The following ME3 variants were observed in gnomAD, a reference collection of about 807,000 sequenced individuals.
ME3 encodes the protein NADP-dependent malic enzyme, mitochondrial.
A neutral mutation model predicts 68.9 loss-of-function variants in ME3; 48 were observed. The ratio of observed to expected loss-of-function variants is 0.70; its 90% CI spans 0.55 to 0.89. The LOEUF is 0.89. ME3 is among the 40% of genes least tolerant of loss of function. ME3 has a pLI of 0.00. For missense variants in ME3, 675 were observed against 797.4 expected (o/e 0.85, Z 1.85); for synonymous variants, 320 against 318.8 (o/e 1.00, Z -0.04).
At chr11:86,518,874 TAGAAAC>T (rs1227252380) in intron 4 of ME3, among the ~76,000 whole-genome samples, 1 of 152,112 alleles carries the variant, frequency 6.6e-6, no homozygotes, top group Non-Finnish European at 1.5e-5. Flanking sequence ...CAAGGGATGA[TAGAAAC>T]AGAGATTGGA....
Position 86,475,866 on chromosome 11 carries a change from T to TAG in ME3, c.810-10667_810-10666insCT, listed in dbSNP as rs1487875000. Among the ~76,000 whole-genome samples the TAG allele has an allele frequency of 3.1e-3, 352 of 111,934 alleles. 1 individual carries two copies. Among genetic ancestry groups the TAG allele is most frequent in the African/African-American group, 6.2e-3 (168 of 27,190 alleles). The allele number at this position is 111,934 out of a possible 152,430, so 73.4% of individuals were successfully genotyped here. A position where few individuals can be genotyped will look rare whatever the true frequency, so the allele number is the denominator to read the frequency against. On this transcript the variant is annotated intron_variant, in intron 7 of 14. Transcript: ENST00000543262. ...CTAATATTCAGTATATATATATATA[T>TAG]ATATATATAGAGAGAGAGAGAGAGA... is the stretch of plus-strand genomic sequence containing the variant.
At chr11:86,514,084 G>A (rs1184123369) in intron 4 of ME3, among the ~76,000 whole-genome samples, 1 of 152,132 alleles carries the variant, frequency 6.6e-6, no homozygotes, top group Non-Finnish European at 1.5e-5. Flanking sequence ...GATAGTGAGT[G>A]AGTTCTCATG....
At chr11:86,476,556 C>G (rs1199033063) in intron 7 of ME3, among the ~76,000 whole-genome samples, 2 of 152,178 alleles carry the variant, frequency 1.3e-5, no homozygotes, top group African/African-American at 4.8e-5. Context: ...GAGGGGGTGA[C>G]TGACTCTGAG....
intron 7 of ME3, among the ~76,000 whole-genome samples, chr11:86,484,520 G>GC (rs1301791249): frequency 6.6e-6 from 1 of 151,834 alleles, no homozygotes; most frequent in Non-Finnish European, 1.5e-5. Context: ...CAAGGATCCC[G>GC]CCCCCCGCTC....
chr11:86,463,297 G>C (rs1482897608), intron 8 of ME3, among the ~76,000 whole-genome samples: 1 of 152,202 alleles, frequency 6.6e-6, no homozygotes, highest in Non-Finnish European at 1.5e-5. Flanking sequence ...CAGCCCGGTG[G>C]GCTCAGGGGA....
intron 6 of ME3, among the ~76,000 whole-genome samples, chr11:86,491,051 G>A (rs1262765444): frequency 6.6e-6 from 1 of 152,078 alleles, no homozygotes; most frequent in Admixed American, 6.5e-5. Flanking sequence ...AATGTTCTAT[G>A]TCTCAGATAC....
chr11:86,643,550 A>T (rs1202244711), intron 2 of ME3, among the ~76,000 whole-genome samples: 1 of 152,160 alleles, frequency 6.6e-6, no homozygotes, highest in East Asian at 1.9e-4. Flanking sequence ...TTTTCACTTG[A>T]TGCAACACAT....
chr11:86,547,507 G>C (rs1956437623), intron 4 of ME3, among the ~76,000 whole-genome samples: 1 of 152,040 alleles, frequency 6.6e-6, no homozygotes, highest in African/African-American at 2.4e-5. Flanking sequence ...GGGAGTGATA[G>C]CATTAGGAGA....
At chr11:86,529,729 G>C (rs564719490) in intron 4 of ME3, among the ~76,000 whole-genome samples, 14 of 152,206 alleles carry the variant, frequency 9.2e-5, no homozygotes, top group Non-Finnish European at 2.1e-4. Context: ...CTGTAATCTA[G>C]CATATAAACA....
At chr11:86,579,251 A>T (rs185014235) in intron 2 of ME3, among the ~76,000 whole-genome samples, 66 of 152,166 alleles carry the variant, frequency 4.3e-4, no homozygotes, top group African/African-American at 1.6e-3. Context: ...TGCCCAGCAG[A>T]CTCAATGCTC....
chr11:86,547,764 G>A (rs968445048), intron 4 of ME3, among the ~76,000 whole-genome samples: 1 of 152,162 alleles, frequency 6.6e-6, no homozygotes, highest in Admixed American at 6.6e-5. Context: ...GGTTATCTGA[G>A]GAATGGTCCA....
At chr11:86,478,125 C>T (rs1447183948) in intron 7 of ME3, among the ~76,000 whole-genome samples, 2 of 152,010 alleles carry the variant, frequency 1.3e-5, no homozygotes, top group South Asian at 2.1e-4. Context: ...CACCAATCAA[C>T]CAACTCCCAC....
intron 8 of ME3, among the ~76,000 whole-genome samples, chr11:86,455,541 A>G (rs750639960): frequency 3.3e-5 from 5 of 152,204 alleles, no homozygotes; most frequent in Admixed American, 6.5e-5. Context: ...ATCAGTATCA[A>G]CCTACCTCTG....
intron 2 of ME3, among the ~76,000 whole-genome samples, chr11:86,606,192 G>C (rs780616522): frequency 1.2e-4 from 19 of 152,172 alleles, no homozygotes; most frequent in Non-Finnish European, 2.5e-4. Flanking sequence ...TAATGGGATT[G>C]TGACAGCAAT....
intron 2 of ME3, among the ~76,000 whole-genome samples, chr11:86,651,290 T>TGG (rs1945405753): frequency 6.6e-6 from 1 of 152,240 alleles, no homozygotes; most frequent in African/African-American, 2.4e-5. Context: ...ATGGACAGAC[T>TGG]GCCTCCTCAA....
At chr11:86,543,363 T>C (rs1956161925) in intron 4 of ME3, among the ~76,000 whole-genome samples, 1 of 152,070 alleles carries the variant, frequency 6.6e-6, no homozygotes, top group Admixed American at 6.5e-5. Flanking sequence ...GACTGGCAAA[T>C]TGGATAAAGA....
chr11:86,541,169 C>A (rs973048933), intron 4 of ME3, among the ~76,000 whole-genome samples: 1 of 152,174 alleles, frequency 6.6e-6, no homozygotes, highest in South Asian at 2.1e-4. Context: ...CTTCCGGTGC[C>A]TACACCACCA....
At chr11:86,448,781 A>G (rs1390857031) in intron 10 of ME3, among the ~76,000 whole-genome samples, 2 of 152,230 alleles carry the variant, frequency 1.3e-5, no homozygotes, top group Non-Finnish European at 2.9e-5. Context: ...ATTTCTTCAA[A>G]TGGAAGTTGG....
chr11:86,528,052 C>G (rs968588422), intron 4 of ME3, among the ~76,000 whole-genome samples: 2 of 152,170 alleles, frequency 1.3e-5, no homozygotes, highest in Non-Finnish European at 2.9e-5. Context: ...TTAAAAGACA[C>G]AGATTGGCAA....
Sources: gnomAD v4.1 joint callset for allele counts (sites outside exome capture counted in the v4.1 genomes callset) on GRCh38, gnomAD v4.1.1 for gene constraint, MANE v1.5 for transcripts, NCBI Gene and HGNC (gene_info 2026-07-23, HGNC 2026-07-21) for gene names.